NKD1: variants seen among roughly 807,000 people sequenced by gnomAD.
NKD1 encodes NKD inhibitor of Wnt signaling pathway 1.
Under a neutral mutation model 56.0 loss-of-function variants are expected in NKD1, and 21 were observed. The ratio of observed to expected loss-of-function variants is 0.38; its 90% CI spans 0.27 to 0.54. The LOEUF (loss-of-function observed/expected upper bound fraction) is 0.54, where lower values mean the gene tolerates loss of function less well. NKD1 is among the 20% of genes least tolerant of loss of function. The probability of loss-of-function intolerance (pLI) is 0.82; values close to 1 mark genes in which losing one functional copy is unlikely to be tolerated. For missense variants in NKD1, 578 were observed against 642.7 expected (o/e 0.90, Z 1.09); for synonymous variants, 263 against 265.7 (o/e 0.99, Z 0.10).
At chr16:50,622,432 G>T (rs549264578) in intron 5 of NKD1, among the ~76,000 whole-genome samples, 3 of 152,172 alleles carry the variant, frequency 2.0e-5, no homozygotes, top group Non-Finnish European at 2.9e-5. Context: ...AGTGCTGAGA[G>T]CCAGGCCCAG....
At chr16:50,576,286 A>G (rs1567338585) in intron 3 of NKD1, among the ~76,000 whole-genome samples, 1 of 152,130 alleles carries the variant, frequency 6.6e-6, no homozygotes, top group Non-Finnish European at 1.5e-5. Context: ...AGGAGCAGCT[A>G]TACTCACCCC....
chr16:50,568,365 G>A (rs1328230367), intron 3 of NKD1, among the ~76,000 whole-genome samples: 2 of 152,242 alleles, frequency 1.3e-5, no homozygotes, highest in Non-Finnish European at 2.9e-5. Context: ...GGGGGCCCCA[G>A]CTGGAGACAC....
In NKD1 at chr16:50,551,027, G is replaced by A. The variant is rs117172012; in HGVS notation, c.192+1472G>A. Among the ~76,000 whole-genome samples the A allele has an allele frequency of 2.2e-3, 331 of 152,160 alleles. 1 individual carries two copies. Among genetic ancestry groups the A allele is most frequent in the South Asian group, 9.7e-3 (47 of 4,824 alleles). On this transcript the variant is annotated intron_variant, in intron 3 of 9. Coordinates refer to ENST00000268459, the MANE Select transcript of NKD1 (RefSeq NM_033119.5). ...CTAGAGGGAAAACTTGAAATACAGC[G>A]AGGGCTTACTTCAATTGACTTTTAT...
chr16:50,548,836 G>A, intron 2 of NKD1, 87 bp downstream of exon 2: 1 of 1,291,194 alleles, frequency 7.7e-7, no homozygotes, highest in African/African-American at 1.6e-5. Flanking sequence ...CAGGTCTTAT[G>A]ACCAGGGCCA....
intron 3 of NKD1, chr16:50,551,924 A>G (rs182169811): frequency 1.3e-5 from 2 of 152,208 alleles, no homozygotes; most frequent in Non-Finnish European, 2.9e-5. Context: ...TGAACAGGAC[A>G]GCAATGGGCA....
At chr16:50,577,946 A>G (rs943551251) in intron 3 of NKD1, among the ~76,000 whole-genome samples, 96 of 152,098 alleles carry the variant, frequency 6.3e-4, no homozygotes, top group African/African-American at 2.2e-3. Context: ...CCCAGTGAGG[A>G]CTTATTTTCT....
intron 3 of NKD1, among the ~76,000 whole-genome samples, chr16:50,590,263 C>T (rs1342195555): frequency 6.6e-6 from 1 of 152,232 alleles, no homozygotes; most frequent in Non-Finnish European, 1.5e-5. Context: ...TCTCCCCATA[C>T]TGATACTTTT....
intron 4 of NKD1, among the ~76,000 whole-genome samples, chr16:50,614,112 G>A (rs1343180680): frequency 6.6e-6 from 1 of 152,142 alleles, no homozygotes; most frequent in African/African-American, 2.4e-5. Flanking sequence ...GACACCCACA[G>A]GTGAAAAAGC....
At chr16:50,596,475 G>A (rs1189413229) in intron 3 of NKD1, among the ~76,000 whole-genome samples, 1 of 152,234 alleles carries the variant, frequency 6.6e-6, no homozygotes, top group South Asian at 2.1e-4. Context: ...CCAGCACCGG[G>A]CACCATTTCT....
intron 4 of NKD1, among the ~76,000 whole-genome samples, chr16:50,618,901 G>A (rs983614904): frequency 2.6e-5 from 4 of 152,202 alleles, no homozygotes; most frequent in Non-Finnish European, 5.9e-5. Flanking sequence ...CTTCAGGTGA[G>A]GAGAAAGGAA....
intron 3 of NKD1, chr16:50,573,793 C>T (rs1220950523): frequency 1.2e-5 from 12 of 984,860 alleles, no homozygotes; most frequent in Admixed American, 6.1e-5. Flanking sequence ...GATTCTGATT[C>T]AGTTAGGTGT....
At chr16:50,570,296 AG>A (rs967578994) in intron 3 of NKD1, among the ~76,000 whole-genome samples, 2 of 152,196 alleles carry the variant, frequency 1.3e-5, no homozygotes, top group African/African-American at 4.8e-5. Context: ...GTTGACCCCA[AG>A]GAGGCAGAAA....
rs1378034676 is a variant in NKD1, at chr16:50,548,514, C to A, written c.-40C>A. On this transcript the variant is annotated 5_prime_UTR_variant, in exon 1 of 10. Transcript: ENST00000268459. ...GGAGGCGCCAGGCCCGCGGGCCGGG[C>A]GCATGGCTTAGGGACGCTCCCGGCC... is the stretch of plus-strand genomic sequence containing the variant. 1.4e-6 allele frequency: 2 copies of A among 1,430,804 alleles called. No homozygotes were observed. The highest frequency in any genetic ancestry group is 5.3e-5 in the Admixed American group (2 of 37,786). The allele number at this position is 1,430,804 out of a possible 1,614,324, so 88.6% of individuals were successfully genotyped here.
rs946853065 is a variant in NKD1 at position 50,638,903 on chromosome 16, A to T, written c.*5122A>T. The T allele has an allele frequency of 6.6e-6, 1 of 152,180 alleles. No individual in the cohort carries two copies. The highest frequency in any genetic ancestry group is 1.5e-5 in the Non-Finnish European group (1 of 68,038). The allele number at this position is 152,180 out of a possible 1,614,324, so 9.4% of individuals were successfully genotyped here. On this transcript the variant is annotated 3_prime_UTR_variant, in exon 10 of 10. Transcript: ENST00000268459. ...CTCTTCCCTCCACTGTCTCCCACAAAGTAGAAGAATCCTGGTACATTTAGC... is the reference window on the plus strand; with the variant it reads ...CTCTTCCCTCCACTGTCTCCCACAATGTAGAAGAATCCTGGTACATTTAGC...
intron 4 of NKD1, among the ~76,000 whole-genome samples, chr16:50,610,978 C>G (rs1035718200): frequency 2.0e-5 from 3 of 152,180 alleles, no homozygotes; most frequent in East Asian, 3.9e-4. Context: ...CTCAGCTGAC[C>G]CAGCTGAGGT....
chr16:50,602,248 C>T (rs1961612724), intron 3 of NKD1, among the ~76,000 whole-genome samples: 1 of 152,138 alleles, frequency 6.6e-6, no homozygotes, highest in African/African-American at 2.4e-5. Flanking sequence ...ATGGACAGCC[C>T]CGGTCTTCCT....
rs536651486 is a variant in NKD1, at chr16:50,648,079, C to G, written c.*14298C>G. ...GTGATTTCCGCAGGTGTCTGAACCC[C>G]GATCTCTCAGTGTTATGGCCCCCAC... On this transcript the variant is annotated 3_prime_UTR_variant, in exon 10 of 10. Coordinates refer to ENST00000268459, the MANE Select transcript of NKD1 (RefSeq NM_033119.5). The G allele has an allele frequency of 7.9e-5, 12 of 152,412 alleles. No homozygotes were observed. The highest frequency in any genetic ancestry group is 2.6e-4 in the Admixed American group (4 of 15,298). The allele number at this position is 152,412 out of a possible 1,614,324, so 9.4% of individuals were successfully genotyped here. A position where few individuals can be genotyped will look rare whatever the true frequency, so the allele number is the denominator to read the frequency against.
chr16:50,559,865 A>C (rs1377366244), intron 3 of NKD1, among the ~76,000 whole-genome samples: 1 of 152,162 alleles, frequency 6.6e-6, no homozygotes, highest in African/African-American at 2.4e-5. Context: ...CCCTGTTAGC[A>C]GGATGGGGCT....
intron 3 of NKD1, chr16:50,555,920 GTTCT>G (rs1960492498): frequency 6.6e-6 from 1 of 152,206 alleles, no homozygotes; most frequent in Non-Finnish European, 1.5e-5. Context: ...TCTCACAGAC[GTTCT>G]TTCTCTTCCT....
Sources: allele counts gnomAD v4.1 joint callset (sites outside exome capture counted in the v4.1 genomes callset), GRCh38; gene constraint gnomAD v4.1.1; transcripts MANE v1.5; gene names NCBI Gene and HGNC (gene_info 2026-07-23, HGNC 2026-07-21).